AP4E1: variants seen among roughly 807,000 people sequenced by gnomAD.
The protein encoded by AP4E1 is AP-4 complex subunit epsilon-1.
Under a neutral mutation model 128.2 loss-of-function variants are expected in AP4E1, and 56 were observed. That is an observed-to-expected ratio of 0.44 (90% confidence interval 0.35 to 0.55). The LOEUF (loss-of-function observed/expected upper bound fraction) is 0.55, where lower values mean the gene tolerates loss of function less well. AP4E1 is among the 20% of genes least tolerant of loss of function. The probability of loss-of-function intolerance (pLI) is 0.00; values close to 1 mark genes in which losing one functional copy is unlikely to be tolerated. For synonymous variants in AP4E1, 484 were observed against 473.1 expected (o/e 1.02, Z -0.30); for missense variants, 1,324 against 1,307.7 (o/e 1.01, Z -0.19).
At chr15:50,964,955 C>CCCCCCACACACACACACACACACACACA (rs1555459128) in intron 14 of AP4E1, among the ~76,000 whole-genome samples, 3 of 131,370 alleles carry the variant, frequency 2.3e-5, no homozygotes, top group Non-Finnish European at 4.7e-5. Context: ...CCTCCCCCTA[C>CCCCCCACACACACACACACACACACACA]CACACACACA....
chr15:50,939,100 G>C (rs901460824), intron 8 of AP4E1, among the ~76,000 whole-genome samples: 3 of 152,118 alleles, frequency 2.0e-5, no homozygotes, highest in Admixed American at 2.0e-4. Context: ...ATGCTTTATA[G>C]CATTTTAATT....
intron 15 of AP4E1, 150 bp downstream of exon 15, chr15:50,968,527 G>A: frequency 1.4e-6 from 1 of 708,008 alleles, no homozygotes; most frequent in Non-Finnish European, 2.3e-6. Context: ...TAGGTTTTCA[G>A]ATATCCAGAG....
In AP4E1 at chr15:50,997,722, C is replaced by CTATGT. The variant is rs754944429; in HGVS notation, c.2743_2744insTATGT (p.His915LeufsTer29). On this transcript the variant is annotated frameshift_variant, in exon 18 of 21. Coordinates refer to ENST00000261842, the MANE Select transcript of AP4E1 (RefSeq NM_007347.5). LOFTEE classifies it high-confidence loss of function. ...TTTGGAAGAAACTACTGAATACATA[C>CTATGT]ACTCAAATGCTATGGAAGTCTGTAA... The CTATGT allele has an allele frequency of 5.0e-6, 8 of 1,613,950 alleles. No homozygotes were observed. The Admixed American group carries it at 1.3e-4, about 27-fold the overall frequency.
intron 14 of AP4E1, among the ~76,000 whole-genome samples, chr15:50,961,895 T>C (rs1416878411): frequency 6.6e-6 from 1 of 151,578 alleles, no homozygotes; most frequent in Non-Finnish European, 1.5e-5. Flanking sequence ...AATAAAAGAA[T>C]TCAGTAAAGA....
At chr15:50,933,863 T>C (rs1217914486) in intron 7 of AP4E1, among the ~76,000 whole-genome samples, 2 of 152,156 alleles carry the variant, frequency 1.3e-5, no homozygotes, top group African/African-American at 4.8e-5. Context: ...GCAAGACCAC[T>C]GTATGTATCC....
chr15:51,002,536 A>G lies in AP4E1; in HGVS notation c.3288A>G (p.Pro1096=), dbSNP rs764886183. Residue 1096 remains proline (P), a synonymous_variant, in exon 21 of 21, where the codon CCA becomes CCG. Coordinates refer to ENST00000261842, the MANE Select transcript of AP4E1 (RefSeq NM_007347.5). The part of the protein sequence containing the change: ...NEGLLACQLL[P]SIPCLLHCRV... ...GGCTATTGGCCTGTCAGCTGCTCCC[A>G]TCCATCCCCTGCTTACTGCATTGCC... is the stretch of plus-strand genomic sequence containing the variant. The G allele has an allele frequency of 2.0e-5, 33 of 1,614,004 alleles. No homozygotes were observed. The highest frequency in any genetic ancestry group is 2.6e-5 in the Non-Finnish European group (31 of 1,180,020).
intron 8 of AP4E1, among the ~76,000 whole-genome samples, chr15:50,938,553 C>T (rs1265805809): frequency 2.0e-5 from 3 of 152,164 alleles, no homozygotes; most frequent in South Asian, 4.2e-4. Context: ...CCCTTCCTTA[C>T]GCTGTCAGAG....
At chr15:50,978,003 C>T (rs2064582398) in intron 15 of AP4E1, among the ~76,000 whole-genome samples, 1 of 152,132 alleles carries the variant, frequency 6.6e-6, no homozygotes, top group Admixed American at 6.5e-5. Context: ...GCCACCATGC[C>T]AGCCTGTTCT....
intron 6 of AP4E1, 99 bp from the exon 7 acceptor site, chr15:50,930,706 T>C: frequency 8.7e-7 from 1 of 1,146,360 alleles, no homozygotes; most frequent in Non-Finnish European, 1.3e-6. Context: ...AACATAAACT[T>C]AAGTATGTAT....
At chr15:50,908,150 G>A (rs570214420), upstream of AP4E1, among the ~76,000 whole-genome samples, 108 of 152,262 alleles carry the variant, frequency 7.1e-4, no homozygotes, top group African/African-American at 2.5e-3. Context: ...GACAGTGGCC[G>A]CGAGTCCCCG....
In AP4E1 at chr15:51,003,661, CTAT is replaced by C. The variant is rs2064990626; in HGVS notation, c.*1003_*1005del. ...TATGCCTGTGTGGCCTCTGTCAGAA[CTAT>C]TATCAGTAAAAGAGGTTAAGCCTAT... On this transcript the variant is annotated 3_prime_UTR_variant, in exon 21 of 21. Coordinates refer to ENST00000261842, the MANE Select transcript of AP4E1 (RefSeq NM_007347.5). 6.6e-6 allele frequency: 1 copy of C among 152,584 alleles called. No homozygotes were observed. Among genetic ancestry groups the C allele is most frequent in the Admixed American group, 6.5e-5 (1 of 15,282 alleles). 9.5% of individuals were successfully genotyped at this position (152,584 alleles called of 1,614,324 possible). A position where few individuals can be genotyped will look rare whatever the true frequency, so the allele number is the denominator to read the frequency against.
intron 8 of AP4E1, among the ~76,000 whole-genome samples, chr15:50,937,722 A>T (rs544117712): frequency 6.6e-6 from 1 of 152,276 alleles, no homozygotes; most frequent in East Asian, 1.9e-4. Flanking sequence ...AGGGAGATTG[A>T]AGGGGCTTTT....
intron 16 of AP4E1, among the ~76,000 whole-genome samples, chr15:50,989,503 G>C (rs1464200437): frequency 6.8e-6 from 1 of 147,988 alleles, no homozygotes; most frequent in Non-Finnish European, 1.5e-5. Flanking sequence ...TTTTTTTCCT[G>C]CTCTGTTAAC....
rs1258556983 is a variant in AP4E1 at position 50,925,160 on chromosome 15, C to T, written c.483C>T (p.Phe161=). Residue 161 remains phenylalanine, a synonymous_variant, in exon 5 of 21, where the codon TTC becomes TTT. Coordinates refer to ENST00000261842, the MANE Select transcript of AP4E1 (RefSeq NM_007347.5). ...CACTGACTGTTGTTAGCCAGATTTT[C>T]CCCTGCGAAATGATTCCAGCTGTTC... is the stretch of plus-strand genomic sequence containing the variant. ...CMALTVVSQI[F]PCEMIPAVLP... 2 of 1,613,678 alleles carry T rather than the reference C, an allele frequency of 1.2e-6. No homozygotes were observed. Among genetic ancestry groups the T allele is most frequent in the African/African-American group, 2.7e-5 (2 of 74,934 alleles).
At chr15:50,919,482 A>G (rs1282533328) in intron 3 of AP4E1, among the ~76,000 whole-genome samples, 1 of 152,048 alleles carries the variant, frequency 6.6e-6, no homozygotes, top group Non-Finnish European at 1.5e-5. Context: ...CGGTGAGCTG[A>G]GATCGCACCA....
At chr15:50,912,259 T>C (rs1379572705) in intron 2 of AP4E1, 110 bp downstream of exon 2, 2 of 997,694 alleles carry the variant, frequency 2.0e-6, no homozygotes, top group Non-Finnish European at 3.2e-6. Flanking sequence ...TTTATCATAG[T>C]CAAAATGAAT....
intron 14 of AP4E1, among the ~76,000 whole-genome samples, chr15:50,961,097 T>A (rs756158323): frequency 6.6e-6 from 1 of 151,910 alleles, no homozygotes; most frequent in African/African-American, 2.4e-5. Context: ...GAATGAATAA[T>A]GACATTGAAT....
chr15:50,937,143 G>A (rs2063918228), intron 8 of AP4E1, among the ~76,000 whole-genome samples: 1 of 152,140 alleles, frequency 6.6e-6, no homozygotes, highest in South Asian at 2.1e-4. Flanking sequence ...TAGAGTATTT[G>A]CTAGCAATCC....
At chr15:50,967,307 A>G (rs1231565329) in intron 14 of AP4E1, among the ~76,000 whole-genome samples, 1 of 152,186 alleles carries the variant, frequency 6.6e-6, no homozygotes, top group Non-Finnish European at 1.5e-5. Flanking sequence ...ATATTTTGTG[A>G]TGGGGCAGTT....
Sources: gnomAD v4.1 joint callset for allele counts (sites outside exome capture counted in the v4.1 genomes callset) on GRCh38, gnomAD v4.1.1 for gene constraint, MANE v1.5 for transcripts, NCBI Gene and HGNC (gene_info 2026-07-23, HGNC 2026-07-21) for gene names.